The following CAMK4 variants were observed in gnomAD, a reference collection of about 807,000 sequenced individuals.
CAMK4 encodes calcium/calmodulin dependent protein kinase IV.
Under a neutral mutation model 44.9 loss-of-function variants are expected in CAMK4, and 22 were observed. The observed-to-expected ratio is 0.49, with a 90% CI of 0.35 to 0.70. The LOEUF (loss-of-function observed/expected upper bound fraction) is 0.70. CAMK4 is among the 30% of genes least tolerant of loss of function. The pLI is 0.01. For synonymous variants in CAMK4, 218 were observed against 215.4 expected (o/e 1.01, Z -0.11); for missense variants, 498 against 586.8 (o/e 0.85, Z 1.56).
intron 2 of CAMK4, among the ~76,000 whole-genome samples, chr5:111,362,707 G>A (rs1750641396): frequency 6.6e-6 from 1 of 151,848 alleles, no homozygotes; most frequent in Admixed American, 6.6e-5. Flanking sequence ...TTCTCTCTTT[G>A]TTAATCAGTT....
At chr5:111,460,099 T>C (rs995667919) in intron 7 of CAMK4, among the ~76,000 whole-genome samples, 3 of 152,038 alleles carry the variant, frequency 2.0e-5, no homozygotes, top group African/African-American at 7.3e-5. Context: ...TGTCTTATTT[T>C]GGACCAGAAC....
chr5:111,316,690 G>T (rs959041962), intron 1 of CAMK4, among the ~76,000 whole-genome samples: 1 of 152,136 alleles, frequency 6.6e-6, no homozygotes, highest in Non-Finnish European at 1.5e-5. Context: ...AGGTGACATT[G>T]TGGTTATATT....
chr5:111,363,706 A>AG (rs140838982), intron 2 of CAMK4, among the ~76,000 whole-genome samples: 1 of 152,024 alleles, frequency 6.6e-6, no homozygotes, highest in Non-Finnish European at 1.5e-5. Flanking sequence ...CTGATGGAAG[A>AG]GGGAACAGCA....
intron 1 of CAMK4, among the ~76,000 whole-genome samples, chr5:111,255,205 C>T (rs1306918107): frequency 6.6e-6 from 1 of 152,164 alleles, no homozygotes; most frequent in Admixed American, 6.5e-5. Flanking sequence ...CTGTTGATGG[C>T]CATGAAGCCC....
chr5:111,420,759 A>G (rs937192482), intron 5 of CAMK4, among the ~76,000 whole-genome samples: 4 of 152,228 alleles, frequency 2.6e-5, no homozygotes, highest in Non-Finnish European at 5.9e-5. Context: ...TTTTGAAAGA[A>G]GAGAAATATG....
At chr5:111,385,345 G>C (rs948862333) in intron 4 of CAMK4, among the ~76,000 whole-genome samples, 1 of 152,068 alleles carries the variant, frequency 6.6e-6, no homozygotes, top group Admixed American at 6.6e-5. Context: ...AATCTTTTGA[G>C]CTGACTCTTA....
At chr5:111,367,586 T>G (rs1464658199) in intron 2 of CAMK4, among the ~76,000 whole-genome samples, 1 of 152,136 alleles carries the variant, frequency 6.6e-6, no homozygotes, top group African/African-American at 2.4e-5. Flanking sequence ...AGCTATTTCA[T>G]GCAGGTTAGG....
At chr5:111,431,116 G>A (rs761849312) in intron 5 of CAMK4, among the ~76,000 whole-genome samples, 2 of 151,960 alleles carry the variant, frequency 1.3e-5, no homozygotes, top group Non-Finnish European at 2.9e-5. Flanking sequence ...ACCAGCTATA[G>A]TGACCAAACC....
intron 7 of CAMK4, among the ~76,000 whole-genome samples, chr5:111,464,207 G>C (rs1055882347): frequency 3.3e-5 from 5 of 150,176 alleles, no homozygotes; most frequent in African/African-American, 9.7e-5. Context: ...GAAAGTCTCA[G>C]CGATAGACCT....
chr5:111,389,836 T>A (rs1236292531), intron 4 of CAMK4, among the ~76,000 whole-genome samples: 2 of 152,080 alleles, frequency 1.3e-5, no homozygotes, highest in Non-Finnish European at 2.9e-5. Context: ...AGGCTATAGG[T>A]ACAGAGCACA....
chr5:111,425,898 A>G (rs981379657), intron 5 of CAMK4, among the ~76,000 whole-genome samples: 39 of 152,216 alleles, frequency 2.6e-4, no homozygotes, highest in African/African-American at 9.2e-4. Flanking sequence ...AGGAATAGAT[A>G]CTTTTTTTAA....
At chr5:111,427,680 G>T (rs1170199732) in intron 5 of CAMK4, among the ~76,000 whole-genome samples, 1 of 152,202 alleles carries the variant, frequency 6.6e-6, no homozygotes, top group Non-Finnish European at 1.5e-5. Context: ...AGAGTGGGAA[G>T]GACTGTGTCT....
intron 1 of CAMK4, among the ~76,000 whole-genome samples, chr5:111,275,832 A>G (rs1750737634): frequency 6.6e-6 from 1 of 152,116 alleles, no homozygotes; most frequent in African/African-American, 2.4e-5. Context: ...AGATATCCCA[A>G]TTACCCTGAC....
At chr5:111,423,393 G>T (rs1018039169) in intron 5 of CAMK4, among the ~76,000 whole-genome samples, 2 of 152,184 alleles carry the variant, frequency 1.3e-5, no homozygotes, top group Non-Finnish European at 2.9e-5. Flanking sequence ...AATACACTTT[G>T]CATTCCAGTC....
intron 3 of CAMK4, among the ~76,000 whole-genome samples, chr5:111,376,590 A>G (rs17465224): frequency 3.9e-5 from 6 of 152,138 alleles, no homozygotes; most frequent in African/African-American, 1.4e-4. Flanking sequence ...GAAAAGTTAG[A>G]AAGTGTTTCC....
intron 5 of CAMK4, among the ~76,000 whole-genome samples, chr5:111,431,899 T>A (rs1410021648): frequency 6.6e-6 from 1 of 152,192 alleles, no homozygotes; most frequent in Non-Finnish European, 1.5e-5. Flanking sequence ...GGAACCCTTG[T>A]ACAACGTTGT....
chr5:111,373,020 T>A (rs1237479746), intron 2 of CAMK4, among the ~76,000 whole-genome samples: 2 of 152,202 alleles, frequency 1.3e-5, no homozygotes, highest in Non-Finnish European at 2.9e-5. Context: ...TTATGTGGGA[T>A]GTTTGTAAAT....
intron 1 of CAMK4, among the ~76,000 whole-genome samples, chr5:111,255,482 C>T (rs751163671): frequency 7.9e-5 from 12 of 152,034 alleles, no homozygotes; most frequent in Non-Finnish European, 1.3e-4. Flanking sequence ...TAGAGTTTAC[C>T]GAACTGTTTA....
intron 8 of CAMK4, among the ~76,000 whole-genome samples, chr5:111,474,860 T>G (rs933596708): frequency 6.6e-6 from 1 of 152,180 alleles, no homozygotes; most frequent in Non-Finnish European, 1.5e-5. Flanking sequence ...ATTCCTTGTG[T>G]CTTTAGAAAA....
Sources: allele counts gnomAD v4.1 joint callset (sites outside exome capture counted in the v4.1 genomes callset), GRCh38; gene constraint gnomAD v4.1.1; transcripts MANE v1.5; gene names NCBI Gene and HGNC (gene_info 2026-07-23, HGNC 2026-07-21).